Variants in RTN1 observed in about 807,000 individuals in gnomAD.
RTN1 encodes reticulon 1, also known as reticulon-1.
Under a neutral mutation model 65.5 loss-of-function variants are expected in RTN1, and 25 were observed. The observed-to-expected ratio is 0.38, with a 90% confidence interval of 0.28 to 0.53. The LOEUF is 0.53. Ranked by LOEUF, RTN1 falls within the 20% of genes least tolerant of loss-of-function variation. RTN1 has a pLI of 0.79. For synonymous variants in RTN1, 471 were observed against 447.6 expected (o/e 1.05, Z -0.66); for missense variants, 983 against 1,025.4 (o/e 0.96, Z 0.57).
chr14:59,787,240 G>T (rs1384735013), intron 1 of RTN1, among the ~76,000 whole-genome samples: 1 of 152,122 alleles, frequency 6.6e-6, no homozygotes, highest in African/African-American at 2.4e-5. Flanking sequence ...TATGGAGGTG[G>T]TGTAACAGCT....
intron 3 of RTN1, 153 bp from the exon 4 acceptor site, chr14:59,607,645 G>C: frequency 1.5e-6 from 1 of 651,668 alleles, no homozygotes; most frequent in South Asian, 1.8e-5. Context: ...TGTGCCAAGG[G>C]CACTTACTGT....
At chr14:59,669,671 G>A (rs1375377725) in intron 3 of RTN1, among the ~76,000 whole-genome samples, 1 of 152,096 alleles carries the variant, frequency 6.6e-6, no homozygotes, top group South Asian at 2.1e-4. Context: ...AGATGATGAT[G>A]AGGAATACTC....
At chr14:59,687,772 G>A (rs572191248) in intron 3 of RTN1, among the ~76,000 whole-genome samples, 106 of 152,006 alleles carry the variant, frequency 7.0e-4, no homozygotes, top group African/African-American at 2.4e-3. Flanking sequence ...GGTACAGGGG[G>A]GTCCTCTTCA....
chr14:59,757,669 G>A (rs980295490), intron 1 of RTN1, among the ~76,000 whole-genome samples: 5 of 152,168 alleles, frequency 3.3e-5, no homozygotes, highest in Non-Finnish European at 1.5e-5. Context: ...CACTACTTGA[G>A]GACGCAGAGA....
At position 59,608,839 on chromosome 14, in the gene RTN1, G is replaced by GCCAT. The variant is rs1169676849; in HGVS notation, c.1766-1348_1766-1347insATGG. On this transcript the variant is annotated intron_variant, in intron 3 of 8. Transcript: ENST00000267484. ...AAGAGGCTCACAAGCATGTTTTGGG[G>GCCAT]GTGAAACAGATCTTTTTTTTCTCTT... Among the ~76,000 whole-genome samples, 14 of 152,218 alleles carry GCCAT rather than the reference G, an allele frequency of 9.2e-5. No homozygotes were observed. The East Asian group carries it at 2.7e-3, about 29-fold the overall frequency.
intron 3 of RTN1, among the ~76,000 whole-genome samples, chr14:59,622,235 G>C (rs1882274032): frequency 6.6e-6 from 1 of 152,220 alleles, no homozygotes; most frequent in African/African-American, 2.4e-5. Context: ...CAGCTACTTG[G>C]GAGGCTGAGG....
At chr14:59,660,403 A>G (rs936361582) in intron 3 of RTN1, among the ~76,000 whole-genome samples, 15 of 152,202 alleles carry the variant, frequency 9.9e-5, no homozygotes, top group Admixed American at 3.9e-4. Context: ...ATAGATATCT[A>G]CAGAACTCTC....
At chr14:59,805,795 T>C (rs1481732242) in intron 1 of RTN1, among the ~76,000 whole-genome samples, 2 of 152,142 alleles carry the variant, frequency 1.3e-5, no homozygotes, top group East Asian at 1.9e-4. Flanking sequence ...CCAAATTACA[T>C]CAATGAAGTT....
intron 1 of RTN1, among the ~76,000 whole-genome samples, chr14:59,769,886 A>G (rs1417885427): frequency 3.9e-5 from 6 of 152,188 alleles, no homozygotes; most frequent in Admixed American, 3.9e-4. Flanking sequence ...ACAAGGAAGA[A>G]TTTCCCAGAG....
intron 6 of RTN1, 41 bp downstream of exon 6, chr14:59,603,811 A>AG: frequency 1.3e-6 from 2 of 1,523,406 alleles, no homozygotes; most frequent in Non-Finnish European, 1.8e-6. Context: ...GTTTTCACAG[A>AG]GGGGGTGAAG....
At chr14:59,607,639 CCAAGG>C (rs1881805341) in intron 3 of RTN1, 147 bp from the exon 4 acceptor site, 1 of 673,408 alleles carries the variant, frequency 1.5e-6, no homozygotes, top group Non-Finnish European at 2.6e-6. Flanking sequence ...GATGGCTGTG[CCAAGG>C]GCACTTACTG....
At chr14:59,680,563 T>C (rs1201766334) in intron 3 of RTN1, among the ~76,000 whole-genome samples, 4 of 152,206 alleles carry the variant, frequency 2.6e-5, no homozygotes, top group African/African-American at 9.6e-5. Context: ...TGCTGTATTA[T>C]TTAGTGTGTC....
chr14:59,696,631 T>G (rs1455027407), intron 3 of RTN1, among the ~76,000 whole-genome samples: 1 of 152,114 alleles, frequency 6.6e-6, no homozygotes, highest in Non-Finnish European at 1.5e-5. Flanking sequence ...AGCAACATAC[T>G]TCTAAATTTC....
intron 3 of RTN1, among the ~76,000 whole-genome samples, chr14:59,654,512 A>C (rs1158581215): frequency 1.3e-5 from 2 of 151,918 alleles, no homozygotes; most frequent in African/African-American, 4.8e-5. Flanking sequence ...AAAATCAGAA[A>C]AAGTCATTAT....
intron 1 of RTN1, among the ~76,000 whole-genome samples, chr14:59,862,979 C>CCTG (rs1887736259): frequency 1.3e-5 from 2 of 152,124 alleles, no homozygotes; most frequent in Admixed American, 1.3e-4. Flanking sequence ...CCATCTCCAA[C>CCTG]CACTCCCTGC....
At chr14:59,823,784 G>A (rs956673314) in intron 1 of RTN1, among the ~76,000 whole-genome samples, 2 of 152,122 alleles carry the variant, frequency 1.3e-5, no homozygotes, top group African/African-American at 4.8e-5. Context: ...TTTCACAGGG[G>A]TTCTCTGAAT....
At chr14:59,649,939 A>T (rs1882987000) in intron 3 of RTN1, among the ~76,000 whole-genome samples, 1 of 152,246 alleles carries the variant, frequency 6.6e-6, no homozygotes, top group Non-Finnish European at 1.5e-5. Flanking sequence ...TACCATAAAG[A>T]CATATGCACA....
chr14:59,638,448 G>C (rs138876181), intron 3 of RTN1, among the ~76,000 whole-genome samples: 1,550 of 152,288 alleles, frequency 0.01, 16 homozygotes, highest in Middle Eastern at 0.024. Context: ...AGACAGAGTA[G>C]AGTAGATTTA....
chr14:59,749,690 CATATATATCT>C (rs1313382832), intron 1 of RTN1, among the ~76,000 whole-genome samples: 3 of 51,162 alleles, frequency 5.9e-5, no homozygotes, highest in African/African-American at 2.6e-4. Context: ...TATATATTTA[CATATATATCT>C]ATATATATCT....
Sources: allele counts gnomAD v4.1 joint callset (sites outside exome capture counted in the v4.1 genomes callset), GRCh38; gene constraint gnomAD v4.1.1; transcripts MANE v1.5; gene names NCBI Gene and HGNC (gene_info 2026-07-23, HGNC 2026-07-21).